COMMD7: variants seen among roughly 807,000 people sequenced by gnomAD.
The protein encoded by COMMD7 is COMM domain-containing protein 7.
A neutral mutation model predicts 34.8 loss-of-function variants in COMMD7; 28 were observed. The observed-to-expected ratio is 0.80, with a 90% CI of 0.60 to 1.10. The LOEUF (loss-of-function observed/expected upper bound fraction) is 1.10, where lower values mean the gene tolerates loss of function less well. Ranked by LOEUF, COMMD7 falls within the 50% of genes least tolerant of loss-of-function variation. The pLI is 0.00. For synonymous variants in COMMD7, 80 were observed against 86.4 expected (o/e 0.93, Z 0.41); for missense variants, 211 against 241.6 (o/e 0.87, Z 0.84).
intron 8 of COMMD7, 55 bp downstream of exon 8, chr20:32,703,967 CT>C (rs1257756779): frequency 1.2e-6 from 2 of 1,612,516 alleles, no homozygotes; most frequent in African/African-American, 2.7e-5. Context: ...TCACCAGCCC[CT>C]GATTGCAGAG....
intron 1 of COMMD7, among the ~76,000 whole-genome samples, chr20:32,733,166 G>T (rs1041720553): frequency 7.2e-5 from 11 of 152,028 alleles, no homozygotes. Context: ...AGCAAGCTGA[G>T]ATTGTGCCAC....
intron 3 of COMMD7, among the ~76,000 whole-genome samples, chr20:32,713,972 G>A (rs534339760): frequency 1.3e-5 from 2 of 152,086 alleles, no homozygotes; most frequent in Non-Finnish European, 2.9e-5. Context: ...AATTAGCTGA[G>A]CGTGGTGGTG....
rs112983547 is a variant in COMMD7 at position 32,735,330 on chromosome 20, T to C, written c.85-7188A>G. ...TAACTAAGAAACTATTTTTTGTTTG[T>C]TTTTTGAGACAGAGTCTCTCTGTGT... On this transcript the variant is annotated intron_variant, in intron 1 of 8. Transcript: ENST00000278980. 9.1e-4 allele frequency among the ~76,000 whole-genome samples: 138 copies of C among 152,144 alleles called. 1 individual carries two copies. The highest frequency in any genetic ancestry group is 3.2e-3 in the African/African-American group (132 of 41,540).
intron 8 of COMMD7, 197 bp downstream of exon 8, chr20:32,703,826 G>C (rs1285063696): frequency 2.6e-6 from 4 of 1,540,880 alleles, no homozygotes; most frequent in Non-Finnish European, 3.5e-6. Context: ...CTCTTCAACT[G>C]TGGGGGCTCC....
Position 32,735,333 on chromosome 20 carries a change from T to G in COMMD7, c.85-7191A>C, listed in dbSNP as rs13043729. On this transcript the variant is annotated intron_variant, in intron 1 of 8. Coordinates refer to ENST00000278980, the MANE Select transcript of COMMD7 (RefSeq NM_053041.3). ...CTAAGAAACTATTTTTTGTTTGTTTTTTGAGACAGAGTCTCTCTGTGTCAC... is the reference window on the plus strand; with the variant it reads ...CTAAGAAACTATTTTTTGTTTGTTTGTTGAGACAGAGTCTCTCTGTGTCAC... Among the ~76,000 whole-genome samples the G allele has an allele frequency of 4.5e-3, 681 of 152,254 alleles. 11 individuals are homozygous for G. The highest frequency in any genetic ancestry group is 4.7e-3 in the Non-Finnish European group (323 of 68,028).
intron 1 of COMMD7, among the ~76,000 whole-genome samples, chr20:32,730,605 T>C (rs943990526): frequency 2.0e-5 from 3 of 152,020 alleles, no homozygotes; most frequent in Non-Finnish European, 2.9e-5. Flanking sequence ...GTGTATGGCA[T>C]AGTGGGGAAA....
intron 3 of COMMD7, among the ~76,000 whole-genome samples, chr20:32,715,025 AAAAT>A (rs753830615): frequency 2.7e-5 from 4 of 150,304 alleles, no homozygotes; most frequent in Admixed American, 1.3e-4. Context: ...AATAAAAATA[AAAAT>A]AAATAAATAA....
intron 1 of COMMD7, among the ~76,000 whole-genome samples, chr20:32,729,157 GC>G (rs1568790269): frequency 6.7e-6 from 1 of 149,330 alleles, no homozygotes; most frequent in East Asian, 2.0e-4. Context: ...GGCTGGGGGC[GC>G]TTATTTTGAT....
chr20:32,728,189 G>A (rs779320098), intron 1 of COMMD7, 47 bp from the exon 2 acceptor site: 3 of 1,591,262 alleles, frequency 1.9e-6, no homozygotes, highest in African/African-American at 2.7e-5. Context: ...CTACTACTGG[G>A]TCAGCATGCC....
chr20:32,737,837 T>A (rs371216783), intron 1 of COMMD7, among the ~76,000 whole-genome samples: 1 of 141,188 alleles, frequency 7.1e-6, no homozygotes, highest in Non-Finnish European at 1.5e-5. Flanking sequence ...GGTCCTGTCT[T>A]AAAAAAAAAA....
intron 3 of COMMD7, among the ~76,000 whole-genome samples, chr20:32,725,649 C>T (rs544939451): frequency 6.6e-6 from 1 of 152,090 alleles, no homozygotes; most frequent in Non-Finnish European, 1.5e-5. Context: ...AGGATGGTCT[C>T]GATCTCCTGA....
intron 3 of COMMD7, among the ~76,000 whole-genome samples, chr20:32,720,030 A>G (rs973174621): frequency 6.6e-6 from 1 of 152,182 alleles, no homozygotes; most frequent in Non-Finnish European, 1.5e-5. Flanking sequence ...ATAAGCTGCT[A>G]TTATTATTCT....
chr20:32,743,442 C>T lies in COMMD7; in HGVS notation c.-51G>A. 8.1e-7 allele frequency: 1 copy of T among 1,238,092 alleles called. No homozygotes were observed. Among genetic ancestry groups the T allele is most frequent in the East Asian group, 3.3e-5 (1 of 30,714 alleles). 76.7% of individuals were successfully genotyped at this position (1,238,092 alleles called of 1,614,324 possible). On this transcript the variant is annotated 5_prime_UTR_variant, in exon 1 of 9. Transcript: ENST00000278980. ...CCACCGCCGCCGCCGCCCTGCTCAG[C>T]TTCCTCCTCCGCTGCCGCTGCCACC...
intron 1 of COMMD7, among the ~76,000 whole-genome samples, chr20:32,739,971 G>A (rs114939972): frequency 0.016 from 2,261 of 142,338 alleles, 369 homozygotes; most frequent in African/African-American, 0.054. Flanking sequence ...TCAGTGAGCC[G>A]AGATCACATC....
chr20:32,732,807 G>A (rs566897294), intron 1 of COMMD7, among the ~76,000 whole-genome samples: 13 of 151,798 alleles, frequency 8.6e-5, no homozygotes, highest in African/African-American at 2.9e-4. Context: ...TTGGAAGTGG[G>A]CGCCTGTAGT....
chr20:32,728,229 G>T, intron 1 of COMMD7, 87 bp from the exon 2 acceptor site: 1 of 1,235,296 alleles, frequency 8.1e-7, no homozygotes, highest in Non-Finnish European at 1.2e-6. Flanking sequence ...AGCCTTGAGA[G>T]GGAAGAACAG....
intron 5 of COMMD7, among the ~76,000 whole-genome samples, chr20:32,705,699 G>T (rs1984039105): frequency 1.3e-5 from 2 of 152,088 alleles, no homozygotes; most frequent in Non-Finnish European, 2.9e-5. Flanking sequence ...TTACAAGTAA[G>T]TCCTCTCCTG....
At chr20:32,733,267 C>T (rs1985945056) in intron 1 of COMMD7, among the ~76,000 whole-genome samples, 2 of 151,876 alleles carry the variant, frequency 1.3e-5, no homozygotes, top group South Asian at 2.1e-4. Flanking sequence ...AAATAGGATA[C>T]ATTGCTCAGT....
At chr20:32,715,390 G>T (rs754348849) in intron 3 of COMMD7, among the ~76,000 whole-genome samples, 2 of 148,168 alleles carry the variant, frequency 1.3e-5, no homozygotes, top group Non-Finnish European at 3.0e-5. Flanking sequence ...GGCTGAGGTG[G>T]GAGGCTCACT....
Sources: gnomAD v4.1 joint callset for allele counts (sites outside exome capture counted in the v4.1 genomes callset) on GRCh38, gnomAD v4.1.1 for gene constraint, MANE v1.5 for transcripts, NCBI Gene and HGNC (gene_info 2026-07-23, HGNC 2026-07-21) for gene names.